MKLN1: variants seen among roughly 807,000 people sequenced by gnomAD.
The protein encoded by MKLN1 is muskelin 1.
In MKLN1, 18 loss-of-function variants were observed where a neutral mutation model predicts 99.0. That is an observed-to-expected ratio of 0.18 (90% CI 0.13 to 0.27). The LOEUF (loss-of-function observed/expected upper bound fraction) is 0.27, where lower values mean the gene tolerates loss of function less well. Among genes scored for constraint, MKLN1 ranks in the 10% least tolerant of loss-of-function variants. The probability of loss-of-function intolerance (pLI) is 1.00; values close to 1 mark genes in which losing one functional copy is unlikely to be tolerated. For synonymous variants in MKLN1, 288 were observed against 293.2 expected (o/e 0.98, Z 0.18); for missense variants, 621 against 875.9 (o/e 0.71, Z 3.67).
In MKLN1 at chr7:131,494,070, A is replaced by G. The variant is rs1008860253; in HGVS notation, c.*6342A>G. 1 of 152,212 alleles carries G rather than the reference A, an allele frequency of 6.6e-6. No homozygotes were observed. The allele number at this position is 152,212 out of a possible 1,614,324, so 9.4% of individuals were successfully genotyped here. ...GTTTTATTTTCTAGCCCTTTAACAT[A>G]GGAGGAAAATTGTCATTTCATGTAT... On this transcript the variant is annotated 3_prime_UTR_variant, in exon 18 of 18. Coordinates refer to ENST00000352689, the MANE Select transcript of MKLN1 (RefSeq NM_013255.5).
At chr7:131,155,194 T>C (rs1795945813) in intron 2 of MKLN1, among the ~76,000 whole-genome samples, 1 of 152,202 alleles carries the variant, frequency 6.6e-6, no homozygotes, top group Non-Finnish European at 1.5e-5. Flanking sequence ...CCTTTATATC[T>C]CAAGAAAATC....
chr7:131,321,637 C>A (rs995670539), intron 3 of MKLN1, among the ~76,000 whole-genome samples: 1 of 152,080 alleles, frequency 6.6e-6, no homozygotes, highest in African/African-American at 2.4e-5. Flanking sequence ...TATTAGCCAG[C>A]ACAAATAGCT....
At chr7:131,302,476 C>T (rs140820929) in intron 3 of MKLN1, among the ~76,000 whole-genome samples, 256 of 152,318 alleles carry the variant, frequency 1.7e-3, no homozygotes, top group African/African-American at 5.9e-3. Flanking sequence ...GAGCCAATTT[C>T]ACTCTTCCCA....
chr7:131,292,069 T>C (rs959014938), intron 3 of MKLN1, among the ~76,000 whole-genome samples: 1 of 152,134 alleles, frequency 6.6e-6, no homozygotes, highest in Non-Finnish European at 1.5e-5. Flanking sequence ...ACCATGACAC[T>C]GCACTCCAGC....
intron 1 of MKLN1, among the ~76,000 whole-genome samples, chr7:131,370,233 C>A (rs1163378116): frequency 6.6e-6 from 1 of 152,134 alleles, no homozygotes; most frequent in Non-Finnish European, 1.5e-5. Flanking sequence ...TCATTTCCTG[C>A]TGAATTAAAA....
intron 8 of MKLN1, among the ~76,000 whole-genome samples, chr7:131,427,299 A>ATT (rs1795385800): frequency 2.6e-5 from 4 of 152,210 alleles, no homozygotes. Flanking sequence ...GTGAATGGCA[A>ATT]AAGGTTTTCT....
chr7:131,146,154 G>A (rs1795812648), intron 2 of MKLN1, among the ~76,000 whole-genome samples: 1 of 152,144 alleles, frequency 6.6e-6, no homozygotes, highest in Non-Finnish European at 1.5e-5. Context: ...AACCCAGGCA[G>A]TCAGATCCCA....
intron 2 of MKLN1, among the ~76,000 whole-genome samples, chr7:131,192,488 TATATA>T (rs1267895512): frequency 7.7e-6 from 1 of 130,232 alleles, no homozygotes; most frequent in Non-Finnish European, 1.6e-5. Context: ...AATATATAAA[TATATA>T]TAATATATAC....
intron 1 of MKLN1, among the ~76,000 whole-genome samples, chr7:131,366,319 T>C (rs1800179477): frequency 6.6e-6 from 1 of 152,152 alleles, no homozygotes; most frequent in African/African-American, 2.4e-5. Flanking sequence ...AAAAACATCC[T>C]TTTATACTTT....
At chr7:131,197,465 G>T (rs1303441189) in intron 2 of MKLN1, among the ~76,000 whole-genome samples, 1 of 150,392 alleles carries the variant, frequency 6.6e-6, no homozygotes, top group African/African-American at 2.4e-5. Context: ...GCCCAGGCTG[G>T]TCTCCAACTC....
intron 1 of MKLN1, among the ~76,000 whole-genome samples, chr7:131,354,894 A>G (rs1036513136): frequency 6.6e-6 from 1 of 152,082 alleles, no homozygotes; most frequent in Non-Finnish European, 1.5e-5. Flanking sequence ...ATGATTTATG[A>G]TGCTATCTTG....
At chr7:131,278,021 T>C (rs1207392974) in intron 3 of MKLN1, among the ~76,000 whole-genome samples, 3 of 152,104 alleles carry the variant, frequency 2.0e-5, no homozygotes, top group Non-Finnish European at 4.4e-5. Flanking sequence ...TCTTTTCCCC[T>C]CCTTTTCCTC....
chr7:131,222,912 C>A (rs180904397), intron 3 of MKLN1, among the ~76,000 whole-genome samples: 2 of 150,610 alleles, frequency 1.3e-5, no homozygotes, highest in Admixed American at 1.3e-4. Flanking sequence ...CATGGTGGTG[C>A]GCACCTGTTA....
At position 131,188,949 on chromosome 7, in the gene MKLN1, A is replaced by C. The variant is rs1796492491; in HGVS notation, c.-296-13908A>C. 3.3e-5 allele frequency among the ~76,000 whole-genome samples: 5 copies of C among 152,340 alleles called. No individual in the cohort carries two copies. The South Asian group carries it at 1.0e-3, about 32-fold the overall frequency. On this transcript the variant is annotated intron_variant, in intron 2 of 7. Transcript: ENST00000416992. ...GGACCACTATCTTCTAGCTAATGACAAATACAGAGGAGGGGTGGAAAGAAG... is the reference window on the plus strand; with the variant it reads ...GGACCACTATCTTCTAGCTAATGACCAATACAGAGGAGGGGTGGAAAGAAG...
intron 2 of MKLN1, among the ~76,000 whole-genome samples, chr7:131,183,071 A>G (rs776806813): frequency 8.5e-5 from 13 of 152,244 alleles, no homozygotes; most frequent in East Asian, 1.9e-4. Flanking sequence ...TACTCATATA[A>G]AGTGAAATCC....
chr7:131,416,724 G>A (rs1028069466), intron 8 of MKLN1, among the ~76,000 whole-genome samples: 1 of 151,954 alleles, frequency 6.6e-6, no homozygotes, highest in Non-Finnish European at 1.5e-5. Flanking sequence ...TCTCGTGACT[G>A]TAGTTGCAAC....
chr7:131,474,944 G>C (rs1203663423), intron 16 of MKLN1, among the ~76,000 whole-genome samples: 2 of 152,094 alleles, frequency 1.3e-5, no homozygotes, highest in Non-Finnish European at 2.9e-5. Flanking sequence ...CATGATGGCA[G>C]GAGAGAGAGT....
intron 3 of MKLN1, among the ~76,000 whole-genome samples, chr7:131,230,068 T>C (rs1797219590): frequency 6.6e-6 from 1 of 152,210 alleles, no homozygotes; most frequent in Admixed American, 6.5e-5. Flanking sequence ...TTATACCAGG[T>C]TAATTTTTAA....
intron 2 of MKLN1, among the ~76,000 whole-genome samples, chr7:131,187,063 G>A (rs1249496256): frequency 6.6e-6 from 1 of 152,220 alleles, no homozygotes; most frequent in Non-Finnish European, 1.5e-5. Context: ...GGACTGGAGC[G>A]CCATCCTTAT....
Sources: allele counts gnomAD v4.1 joint callset (sites outside exome capture counted in the v4.1 genomes callset), GRCh38; gene constraint gnomAD v4.1.1; transcripts MANE v1.5; gene names NCBI Gene and HGNC (gene_info 2026-07-23, HGNC 2026-07-21).